The following RIMS1 variants were observed in gnomAD, a reference collection of about 807,000 sequenced individuals.
RIMS1 encodes regulating synaptic membrane exocytosis 1.
Under a neutral mutation model 214.1 loss-of-function variants are expected in RIMS1, and 83 were observed. The ratio of observed to expected loss-of-function variants is 0.39; its 90% CI spans 0.32 to 0.47. The LOEUF is 0.47. RIMS1 is among the 20% of genes least tolerant of loss of function. The pLI is 0.99. For missense variants in RIMS1, 2,050 were observed against 2,161.8 expected (o/e 0.95, Z 1.03); for synonymous variants, 793 against 786.8 (o/e 1.01, Z -0.13).
intron 6 of RIMS1, among the ~76,000 whole-genome samples, chr6:72,191,540 T>G (rs1352705801): frequency 1.3e-5 from 2 of 152,216 alleles, no homozygotes; most frequent in African/African-American, 2.4e-5. Context: ...GCAATCAAGC[T>G]CTCTCAGAAC....
chr6:71,929,417 A>C (rs147158360), intron 1 of RIMS1, among the ~76,000 whole-genome samples: 1 of 152,300 alleles, frequency 6.6e-6, no homozygotes, highest in East Asian at 1.9e-4. Context: ...AGTACATTTT[A>C]TTTGGAGAAG....
chr6:72,326,410 A>G (rs1029313063), intron 28 of RIMS1, among the ~76,000 whole-genome samples: 1 of 151,848 alleles, frequency 6.6e-6, no homozygotes, highest in African/African-American at 2.4e-5. Context: ...ATTGTCTTAC[A>G]TTACCCATCA....
intron 1 of RIMS1, among the ~76,000 whole-genome samples, chr6:71,908,619 A>G (rs1454615975): frequency 6.6e-6 from 1 of 152,212 alleles, no homozygotes. Flanking sequence ...TTACAGACAA[A>G]ACGGTAACCC....
At chr6:71,902,358 G>A (rs1414993375) in intron 1 of RIMS1, among the ~76,000 whole-genome samples, 1 of 152,038 alleles carries the variant, frequency 6.6e-6, no homozygotes, top group Non-Finnish European at 1.5e-5. Context: ...ATGAAGCCAT[G>A]CTGGGTCATG....
intron 2 of RIMS1, among the ~76,000 whole-genome samples, chr6:72,044,155 T>G (rs990659086): frequency 6.6e-6 from 1 of 151,696 alleles, no homozygotes; most frequent in African/African-American, 2.4e-5. Context: ...TAGACATTGC[T>G]GAAACAACTG....
At chr6:72,200,457 C>T (rs1249235591) in intron 6 of RIMS1, among the ~76,000 whole-genome samples, 1 of 152,138 alleles carries the variant, frequency 6.6e-6, no homozygotes, top group East Asian at 1.9e-4. Context: ...ACTTCTTAAC[C>T]TTCAATGAAA....
At chr6:72,205,191 A>T (rs1023065643) in intron 6 of RIMS1, among the ~76,000 whole-genome samples, 1 of 152,150 alleles carries the variant, frequency 6.6e-6, no homozygotes, top group African/African-American at 2.4e-5. Context: ...TTTAGTGTGT[A>T]TTCTAATGAC....
At chr6:72,037,476 T>A (rs546848827) in intron 2 of RIMS1, among the ~76,000 whole-genome samples, 2 of 152,162 alleles carry the variant, frequency 1.3e-5, no homozygotes, top group South Asian at 4.2e-4. Flanking sequence ...ACAAAGAGTA[T>A]ATTAACAAAA....
intron 2 of RIMS1, among the ~76,000 whole-genome samples, chr6:71,972,898 C>T (rs1438894039): frequency 6.6e-6 from 1 of 152,072 alleles, no homozygotes; most frequent in Admixed American, 6.6e-5. Context: ...TACAGAGCTG[C>T]AACAGTAATA....
At chr6:72,173,850 T>C (rs1162044386) in intron 4 of RIMS1, among the ~76,000 whole-genome samples, 1 of 152,092 alleles carries the variant, frequency 6.6e-6, no homozygotes, top group Non-Finnish European at 1.5e-5. Flanking sequence ...TGTTTTTAAG[T>C]GAACAACTGG....
rs1469714824 is a variant in RIMS1, at chr6:72,400,822, G to GT, written c.*112dup. ...TGTTGGAGACAGACAATCAACTTGT[G>GT]TTTTGCCTGTAGTAGTTTTTCAATA... On this transcript the variant is annotated 3_prime_UTR_variant, in exon 34 of 34. Transcript: ENST00000521978. 2 of 896,058 alleles carry GT rather than the reference G, an allele frequency of 2.2e-6. No homozygotes were observed. Among genetic ancestry groups the GT allele is most frequent in the African/African-American group, 3.4e-5 (2 of 59,624 alleles). 55.5% of individuals were successfully genotyped at this position (896,058 alleles called of 1,614,324 possible).
At chr6:72,125,175 C>A (rs944204424) in intron 4 of RIMS1, among the ~76,000 whole-genome samples, 1 of 152,104 alleles carries the variant, frequency 6.6e-6, no homozygotes, top group Non-Finnish European at 1.5e-5. Flanking sequence ...GTGTAGATGA[C>A]CTTTTTGTTG....
At chr6:72,165,199 G>A (rs968405144) in intron 4 of RIMS1, among the ~76,000 whole-genome samples, 2 of 151,950 alleles carry the variant, frequency 1.3e-5, no homozygotes, top group African/African-American at 4.8e-5. Context: ...TCTAATTTGA[G>A]TTCACTAATC....
chr6:72,227,091 C>A (rs750897672), intron 6 of RIMS1, among the ~76,000 whole-genome samples: 19 of 152,008 alleles, frequency 1.2e-4, no homozygotes, highest in Admixed American at 1.1e-3. Flanking sequence ...GTACAAAGTT[C>A]TTTTTACTGC....
At chr6:71,944,508 G>C (rs1444970522) in intron 1 of RIMS1, among the ~76,000 whole-genome samples, 1 of 152,142 alleles carries the variant, frequency 6.6e-6, no homozygotes, top group Non-Finnish European at 1.5e-5. Context: ...GAGGAAGATG[G>C]AGTAATATTA....
At chr6:72,202,932 C>G (rs533101307) in intron 6 of RIMS1, among the ~76,000 whole-genome samples, 1 of 152,314 alleles carries the variant, frequency 6.6e-6, no homozygotes, top group South Asian at 2.1e-4. Flanking sequence ...ATTCATGGCT[C>G]TGTGTGCCTT....
chr6:72,400,462 G>T (rs372996928), intron 33 of RIMS1, 34 bp from the exon 34 acceptor site: 2 of 1,569,980 alleles, frequency 1.3e-6, no homozygotes, highest in Non-Finnish European at 1.8e-6. Flanking sequence ...GCAGAGAGAA[G>T]TCCAGGTAAT....
chr6:72,048,361 C>CT (rs1462534503), intron 2 of RIMS1, among the ~76,000 whole-genome samples: 1 of 152,100 alleles, frequency 6.6e-6, no homozygotes, highest in South Asian at 2.1e-4. Context: ...CCAAGATGGC[C>CT]TGTGTCCTTT....
intron 2 of RIMS1, among the ~76,000 whole-genome samples, chr6:72,061,350 G>C (rs1423466895): frequency 6.6e-6 from 1 of 152,166 alleles, no homozygotes; most frequent in African/African-American, 2.4e-5. Context: ...AAATATTGAG[G>C]CATGACACCA....
Sources: gnomAD v4.1 joint callset for allele counts (sites outside exome capture counted in the v4.1 genomes callset) on GRCh38, gnomAD v4.1.1 for gene constraint, MANE v1.5 for transcripts, NCBI Gene and HGNC (gene_info 2026-07-23, HGNC 2026-07-21) for gene names.